SMURF2: variants seen among roughly 807,000 people sequenced by gnomAD.
SMURF2 encodes E3 ubiquitin-protein ligase SMURF2.
In SMURF2, 48 loss-of-function variants were observed where a neutral mutation model predicts 109.6. That is an observed-to-expected ratio of 0.44 (90% CI 0.35 to 0.56). SMURF2 has a LOEUF of 0.56. Among genes scored for constraint, SMURF2 ranks in the 20% least tolerant of loss-of-function variants. SMURF2 has a pLI of 0.01. For missense variants in SMURF2, 575 were observed against 909.0 expected (o/e 0.63, Z 4.72); for synonymous variants, 288 against 317.1 (o/e 0.91, Z 0.97).
At chr17:64,576,094 A>G (rs1555686034) in intron 9 of SMURF2, among the ~76,000 whole-genome samples, 1 of 151,994 alleles carries the variant, frequency 6.6e-6, no homozygotes, top group Non-Finnish European at 1.5e-5. Flanking sequence ...AGTCCCAGCT[A>G]TTCAGGAGGC....
intron 1 of SMURF2, among the ~76,000 whole-genome samples, chr17:64,618,918 G>C (rs1390589729): frequency 6.6e-6 from 1 of 152,074 alleles, no homozygotes; most frequent in African/African-American, 2.4e-5. Context: ...GAATGCATGG[G>C]TTTGAACCTG....
intron 10 of SMURF2, chr17:64,563,204 T>C (rs1969249949): frequency 9.0e-6 from 3 of 333,078 alleles, no homozygotes; most frequent in East Asian, 5.1e-5. Flanking sequence ...TAAAGCTTTA[T>C]ACAGCTTCTG....
intron 1 of SMURF2, among the ~76,000 whole-genome samples, chr17:64,647,749 G>A (rs925193017): frequency 1.3e-5 from 2 of 151,382 alleles, no homozygotes; most frequent in Admixed American, 1.3e-4. Flanking sequence ...ACTTTCACTG[G>A]TTCAGATTAC....
intron 2 of SMURF2, among the ~76,000 whole-genome samples, chr17:64,605,744 A>AATACATAT (rs1407403305): frequency 1.0e-5 from 1 of 99,120 alleles, no homozygotes; most frequent in Non-Finnish European, 2.0e-5. Flanking sequence ...CTCTAAAAAG[A>AATACATAT]ATATATATAT....
intron 1 of SMURF2, among the ~76,000 whole-genome samples, chr17:64,636,596 C>T (rs9902934): frequency 1.7e-5 from 2 of 119,848 alleles, no homozygotes; most frequent in Non-Finnish European, 3.3e-5. Flanking sequence ...GGGCCAGACT[C>T]TGCCTCAAAA....
At chr17:64,589,979 G>A (rs1297234140) in intron 5 of SMURF2, among the ~76,000 whole-genome samples, 1 of 151,864 alleles carries the variant, frequency 6.6e-6, no homozygotes, top group South Asian at 2.1e-4. Context: ...ATAGGGCTTT[G>A]CTATGTGGCT....
At chr17:64,646,988 C>T (rs1970567717) in intron 1 of SMURF2, among the ~76,000 whole-genome samples, 1 of 152,134 alleles carries the variant, frequency 6.6e-6, no homozygotes, top group South Asian at 2.1e-4. Flanking sequence ...TATTTTATTT[C>T]ACCCTTACTG....
chr17:64,553,398 C>T (rs1345587614), intron 15 of SMURF2, among the ~76,000 whole-genome samples: 4 of 151,730 alleles, frequency 2.6e-5, no homozygotes, highest in Non-Finnish European at 5.9e-5. Context: ...CCCAGCTACT[C>T]GGGAGGCTGA....
chr17:64,575,876 A>ACTACTTTTCT (rs1555686014), intron 9 of SMURF2, among the ~76,000 whole-genome samples: 1 of 151,974 alleles, frequency 6.6e-6, no homozygotes, highest in Non-Finnish European at 1.5e-5. Flanking sequence ...TTGTAACTGG[A>ACTACTTTTCT]CTACTTGGTA....
At chr17:64,603,197 T>A (rs971063773) in intron 2 of SMURF2, among the ~76,000 whole-genome samples, 2 of 151,686 alleles carry the variant, frequency 1.3e-5, no homozygotes, top group South Asian at 4.1e-4. Flanking sequence ...ATAAAACACC[T>A]TATTACCTTA....
chr17:64,587,369 G>C (rs766534800), intron 5 of SMURF2, among the ~76,000 whole-genome samples: 16 of 152,152 alleles, frequency 1.1e-4, no homozygotes, highest in Non-Finnish European at 2.2e-4. Flanking sequence ...CTAGTAACTA[G>C]TTTAGCACTG....
intron 15 of SMURF2, among the ~76,000 whole-genome samples, chr17:64,552,364 T>C (rs1352773991): frequency 6.6e-6 from 1 of 152,202 alleles, no homozygotes; most frequent in Non-Finnish European, 1.5e-5. Context: ...CAAGAAAACT[T>C]CTCCATCTCA....
intron 1 of SMURF2, among the ~76,000 whole-genome samples, chr17:64,615,834 T>C (rs1970113127): frequency 6.6e-6 from 1 of 151,810 alleles, no homozygotes; most frequent in African/African-American, 2.4e-5. Flanking sequence ...GATAAGAAAA[T>C]AATTTCCTTT....
At chr17:64,609,391 C>T (rs1970012515) in intron 1 of SMURF2, among the ~76,000 whole-genome samples, 1 of 152,146 alleles carries the variant, frequency 6.6e-6, no homozygotes, top group Non-Finnish European at 1.5e-5. Flanking sequence ...GTTACAGTAA[C>T]AAAAACAGCA....
chr17:64,555,737 T>C, intron 14 of SMURF2, 83 bp downstream of exon 14: 1 of 947,926 alleles, frequency 1.1e-6, no homozygotes, highest in Non-Finnish European at 1.5e-6. Flanking sequence ...TCTGTGTAAT[T>C]TTTTTAAGTA....
chr17:64,591,849 AT>A (rs1969755631), intron 4 of SMURF2, among the ~76,000 whole-genome samples: 1 of 152,172 alleles, frequency 6.6e-6, no homozygotes, highest in Admixed American at 6.5e-5. Flanking sequence ...TAGTCTTTGT[AT>A]TTTCCACTCC....
At position 64,545,083 on chromosome 17, in the gene SMURF2, AAG is replaced by A. The variant is rs1462900796; in HGVS notation, c.*763_*764del. ...AAACATTAGGTTTTTTTTTTTTTAAAAGAGTCTCTTAAAAACAGGGAGCCCCT... is the reference window on the plus strand; with the variant it reads ...AAACATTAGGTTTTTTTTTTTTTAAAAGTCTCTTAAAAACAGGGAGCCCCT... On this transcript the variant is annotated 3_prime_UTR_variant, in exon 19 of 19. Coordinates refer to ENST00000262435, the MANE Select transcript of SMURF2 (RefSeq NM_022739.4). 3 of 151,996 alleles carry A rather than the reference AAG, an allele frequency of 2.0e-5. No homozygotes were observed. The East Asian group carries it at 5.8e-4, about 29-fold the overall frequency. The allele number at this position is 151,996 out of a possible 1,614,324, so 9.4% of individuals were successfully genotyped here.
chr17:64,550,090 G>A (rs1436511541), intron 16 of SMURF2, among the ~76,000 whole-genome samples: 1 of 152,118 alleles, frequency 6.6e-6, no homozygotes, highest in Admixed American at 6.5e-5. Context: ...CAACCTTATC[G>A]GCATTCCTGC....
intron 1 of SMURF2, among the ~76,000 whole-genome samples, chr17:64,614,649 T>C (rs185115555): frequency 2.0e-4 from 31 of 152,346 alleles, no homozygotes; most frequent in Admixed American, 5.2e-4. Flanking sequence ...ATCAGCCATA[T>C]TGGATAAAGC....
Sources: gnomAD v4.1 joint callset for allele counts (sites outside exome capture counted in the v4.1 genomes callset) on GRCh38, gnomAD v4.1.1 for gene constraint, MANE v1.5 for transcripts, NCBI Gene and HGNC (gene_info 2026-07-23, HGNC 2026-07-21) for gene names.